The following ARSF variants were observed in gnomAD, a reference collection of about 807,000 sequenced individuals.
ARSF encodes the protein arylsulfatase F.
A neutral mutation model predicts 35.4 loss-of-function variants in ARSF; 33 were observed. The observed-to-expected ratio is 0.93, with a 90% confidence interval of 0.71 to 1.25. The LOEUF (loss-of-function observed/expected upper bound fraction) is 1.25. ARSF is among the 50% of genes most tolerant of loss of function. The pLI is 0.00. For synonymous variants in ARSF, 222 were observed against 193.1 expected (o/e 1.15, Z -1.24); for missense variants, 501 against 480.2 (o/e 1.04, Z -0.40).
intron 3 of ARSF, 104 bp downstream of exon 3, chrX:3,072,279 C>CT (rs201026706): frequency 0.035 from 29,817 of 847,132 alleles, 924 homozygotes; most frequent in African/African-American, 0.18. Flanking sequence ...TTTGTTGGGA[C>CT]TTTTTTTTAA....
At chrX:3,112,085 T>C in intron 10 of ARSF, 89 bp from the exon 11 acceptor site, 1 of 813,157 alleles carries the variant, frequency 1.2e-6, no homozygotes, top group East Asian at 3.2e-5. Flanking sequence ...GCCTGGGGAC[T>C]GGGGACCCCT....
intron 7 of ARSF, 79 bp from the exon 8 acceptor site, chrX:3,101,008 T>C (rs906101881): frequency 4.1e-6 from 4 of 982,486 alleles, no homozygotes; most frequent in African/African-American, 1.9e-5. Flanking sequence ...TTCCTTTAGA[T>C]AGCTCATGCC....
chrX:3,097,179 CAG>C lies in ARSF; in HGVS notation c.968-3905_968-3904del, dbSNP rs753584412. ...TGTTTCAGCAGCCCAAGGAAATTCACAGAGTTAGTTTAGGAAAAACCATTACC... is the reference window on the plus strand; with the variant it reads ...TGTTTCAGCAGCCCAAGGAAATTCACAGTTAGTTTAGGAAAAACCATTACC... On this transcript the variant is annotated intron_variant, in intron 7 of 10. Transcript: ENST00000381127. 3.5e-3 allele frequency among the ~76,000 whole-genome samples: 390 copies of C among 112,198 alleles called. 1 individual carries two copies. The highest frequency in any genetic ancestry group is 6.0e-3 in the Non-Finnish European group (318 of 53,242).
rs1446715684 is a variant in ARSF at position 3,058,438 on chromosome X, C to G, written c.-28-9635C>G. On this transcript the variant is annotated intron_variant, in intron 1 of 10. Transcript: ENST00000381127. ...TTGATCAGCCTAGCGCACCATAGCC[C>G]AGAACTTCTGGGCCGAAGCGATCCC... The G allele has an allele frequency of 1.3e-5, 3 of 226,404 alleles. No individual in the cohort carries two copies. The East Asian group carries it at 4.0e-4, about 30-fold the overall frequency. The allele number at this position is 226,404 out of a possible 1,213,427, so 18.7% of individuals were successfully genotyped here. A position where few individuals can be genotyped will look rare whatever the true frequency, so the allele number is the denominator to read the frequency against.
intron 4 of ARSF, among the ~76,000 whole-genome samples, chrX:3,079,218 A>G (rs1222973672): frequency 8.9e-6 from 1 of 111,889 alleles, no homozygotes; most frequent in Non-Finnish European, 1.9e-5. Context: ...TGTGAGGAAT[A>G]CAACTATGAA....
intron 1 of ARSF, among the ~76,000 whole-genome samples, chrX:3,051,980 G>T (rs2089998621): frequency 9.0e-6 from 1 of 110,795 alleles, no homozygotes; most frequent in Non-Finnish European, 1.9e-5. Flanking sequence ...GCAACCAAGC[G>T]AGATGCTGTC....
intron 8 of ARSF, among the ~76,000 whole-genome samples, chrX:3,101,904 G>C (rs1007142739): frequency 2.7e-5 from 3 of 111,999 alleles, no homozygotes; most frequent in Non-Finnish European, 5.6e-5. Context: ...TGTCTTGAGA[G>C]AGATTTTAAA....
chrX:3,074,155 G>A (rs959322100), intron 3 of ARSF, among the ~76,000 whole-genome samples: 10 of 110,774 alleles, frequency 9.0e-5, no homozygotes, highest in Non-Finnish European at 1.3e-4. Flanking sequence ...ACCGAAAAGC[G>A]CAGAAACATG....
At chrX:3,056,071 C>T (rs2090016907) in intron 1 of ARSF, among the ~76,000 whole-genome samples, 1 of 110,997 alleles carries the variant, frequency 9.0e-6, no homozygotes, top group African/African-American at 3.3e-5. Context: ...ATCCTCCCAC[C>T]TCAGCCTCCT....
intron 1 of ARSF, among the ~76,000 whole-genome samples, chrX:3,047,339 C>T (rs1274721204): frequency 9.1e-6 from 1 of 110,213 alleles, no homozygotes; most frequent in East Asian, 2.9e-4. Flanking sequence ...CCACCATGCC[C>T]GGCTAATTTT....
intron 7 of ARSF, among the ~76,000 whole-genome samples, chrX:3,092,410 C>A (rs1452131590): frequency 1.8e-5 from 2 of 111,718 alleles, no homozygotes; most frequent in Non-Finnish European, 3.8e-5. Flanking sequence ...TTACTATTTG[C>A]TTTAAAAATT....
Position 3,084,725 on chromosome X carries a change from C to T in ARSF, c.830+59C>T, listed in dbSNP as rs2090234747. On this transcript the variant is annotated intron_variant, in intron 6 of 10. Transcript: ENST00000381127. ...GATAATGATCTCTTTTTTAAAAGGA[C>T]CTAGATAGATCTGTAGGGTGATTGT... The T allele has an allele frequency of 6.7e-6, 7 of 1,037,066 alleles. No homozygotes were observed. In the South Asian group the frequency reaches 7.2e-5, roughly 11 times the overall value. 85.5% of individuals were successfully genotyped at this position (1,037,066 alleles called of 1,213,427 possible).
chrX:3,105,385 A>T (rs1289834924), intron 9 of ARSF, among the ~76,000 whole-genome samples: 2 of 112,456 alleles, frequency 1.8e-5, no homozygotes, highest in Non-Finnish European at 3.8e-5. Context: ...TTAGATGAAG[A>T]CATTTTTATT....
At chrX:3,110,922 T>C (rs1001212374) in intron 10 of ARSF, among the ~76,000 whole-genome samples, 4 of 111,839 alleles carry the variant, frequency 3.6e-5, no homozygotes, top group Non-Finnish European at 7.5e-5. Context: ...CCAAAAAATA[T>C]ATATACATTT....
chrX:3,094,454 G>A (rs2090325930), intron 7 of ARSF, among the ~76,000 whole-genome samples: 2 of 112,228 alleles, frequency 1.8e-5, no homozygotes, highest in South Asian at 3.7e-4. Flanking sequence ...CGAGCCCAGC[G>A]AGAGGCTTTC....
At chrX:3,075,249 A>G (rs1018377034) in intron 3 of ARSF, among the ~76,000 whole-genome samples, 5 of 111,792 alleles carry the variant, frequency 4.5e-5, no homozygotes, top group Non-Finnish European at 7.5e-5. Flanking sequence ...CAGGTATATG[A>G]ACCCTGCAGA....
At chrX:3,059,736 T>C (rs1320015357) in intron 1 of ARSF, among the ~76,000 whole-genome samples, 1 of 111,343 alleles carries the variant, frequency 9.0e-6, no homozygotes, top group Non-Finnish European at 1.9e-5. Flanking sequence ...GCTGGGGGGG[T>C]GGGCATCCAA....
intron 1 of ARSF, among the ~76,000 whole-genome samples, chrX:3,056,555 A>G (rs1485105887): frequency 1.8e-5 from 2 of 111,204 alleles, no homozygotes; most frequent in African/African-American, 3.3e-5. Flanking sequence ...GATTCCAGGC[A>G]TGAGCCACCA....
chrX:3,065,628 C>T (rs2090061887), intron 1 of ARSF, among the ~76,000 whole-genome samples: 1 of 98,701 alleles, frequency 1.0e-5, no homozygotes, highest in African/African-American at 3.9e-5. Context: ...CAGAGTGAGA[C>T]TCTGTCTCAA....
Sources: allele counts gnomAD v4.1 joint callset (sites outside exome capture counted in the v4.1 genomes callset), GRCh38; gene constraint gnomAD v4.1.1; transcripts MANE v1.5; gene names NCBI Gene and HGNC (gene_info 2026-07-23, HGNC 2026-07-21).